Variants in SUGCT observed in about 807,000 individuals in gnomAD.
SUGCT encodes succinyl-CoA:glutarate CoA-transferase.
A neutral mutation model predicts 55.0 loss-of-function variants in SUGCT; 41 were observed. The observed-to-expected ratio is 0.74, with a 90% confidence interval of 0.58 to 0.97. The LOEUF is 0.97. SUGCT is among the 50% of genes least tolerant of loss of function. The pLI, the probability that SUGCT is intolerant of heterozygous loss-of-function variation, is 0.00. For synonymous variants in SUGCT, 187 were observed against 200.4 expected (o/e 0.93, Z 0.56); for missense variants, 568 against 547.8 (o/e 1.04, Z -0.37).
At chr7:40,717,163 T>C (rs1024512922) in intron 12 of SUGCT, among the ~76,000 whole-genome samples, 2 of 152,198 alleles carry the variant, frequency 1.3e-5, no homozygotes, top group Non-Finnish European at 2.9e-5. Flanking sequence ...CATAGAAAGA[T>C]TAAGCTACAT....
rs1199451984 is a variant in SUGCT, at chr7:40,519,608, C to T, written c.1089+23222C>T. Among the ~76,000 whole-genome samples the T allele has an allele frequency of 5.3e-5, 8 of 151,972 alleles. No homozygotes were observed. In the East Asian group the frequency reaches 1.5e-3, roughly 29 times the overall value. On this transcript the variant is annotated intron_variant, in intron 12 of 13. Coordinates refer to ENST00000335693, the MANE Select transcript of SUGCT (RefSeq NM_001193313.2). ...AGAGAAAGGATTGAGAAAATTTTGA[C>T]ATTATATGTCTGAATTAAATCTCTG... is the stretch of plus-strand genomic sequence containing the variant.
chr7:40,262,379 G>A (rs535178854), intron 7 of SUGCT, among the ~76,000 whole-genome samples: 3 of 151,750 alleles, frequency 2.0e-5, no homozygotes, highest in Admixed American at 6.6e-5. Context: ...GGCTGGGCGC[G>A]GTGGCTCATG....
At chr7:40,354,661 C>G (rs1797803844) in intron 9 of SUGCT, among the ~76,000 whole-genome samples, 2 of 152,102 alleles carry the variant, frequency 1.3e-5, no homozygotes, top group African/African-American at 4.8e-5. Context: ...AATAAAATAA[C>G]CAGGAGATCA....
chr7:40,224,601 T>G (rs1249534802), intron 6 of SUGCT, among the ~76,000 whole-genome samples: 1 of 152,216 alleles, frequency 6.6e-6, no homozygotes, highest in Non-Finnish European at 1.5e-5. Context: ...CAAGATAGTA[T>G]CTTGATTCCT....
chr7:40,701,365 G>C (rs1288700496), intron 12 of SUGCT, among the ~76,000 whole-genome samples: 1 of 152,224 alleles, frequency 6.6e-6, no homozygotes, highest in Non-Finnish European at 1.5e-5. Context: ...CGCCATTCCA[G>C]TGTTCAGAGG....
At chr7:40,365,934 A>G (rs571966036) in intron 9 of SUGCT, among the ~76,000 whole-genome samples, 27 of 152,348 alleles carry the variant, frequency 1.8e-4, no homozygotes, top group African/African-American at 6.3e-4. Flanking sequence ...ATATGGAACC[A>G]AAAAAGAGCT....
chr7:40,879,400 GTCA>G, the SUGCT span, among the ~76,000 whole-genome samples: 1 of 152,150 alleles, frequency 6.6e-6, no homozygotes, highest in South Asian at 2.1e-4. Context: ...CAGGCATCAT[GTCA>G]TGTGTGTCAT....
At chr7:40,949,038 C>A in the SUGCT span, among the ~76,000 whole-genome samples, 2 of 152,206 alleles carry the variant, frequency 1.3e-5, no homozygotes, top group Admixed American at 1.3e-4. Context: ...ACACTGTCTT[C>A]CACTATGGTT....
At position 40,188,533 on chromosome 7, in the gene SUGCT, G is replaced by T. The variant is rs913673123; in HGVS notation, c.265G>T (p.Val89Phe). ...DDTRTWGPPF[V>F]GTESTYYLSV... ...TACACGAACTTGGGGGCCACCTTTT[G>T]TTGGGACAGAAAGTACATATTATCT... The change falls in exon 4 of 14, where the codon GTT becomes TTT. Residue 89 changes from valine to phenylalanine, a missense_variant. Physicochemically the swap from Val to Phe is conservative, Grantham distance 50. Transcript: ENST00000335693. 6 of 1,600,438 alleles carry T rather than the reference G, an allele frequency of 3.7e-6. No homozygotes were observed. Among genetic ancestry groups the T allele is most frequent in the African/African-American group, 2.7e-5 (2 of 73,456 alleles).
the SUGCT span, among the ~76,000 whole-genome samples, chr7:40,984,022 G>C: frequency 3.9e-5 from 6 of 152,110 alleles, no homozygotes; most frequent in African/African-American, 1.4e-4. Context: ...GCAGGTAGGC[G>C]AGGGGTAGGG....
At chr7:40,880,694 A>G in the SUGCT span, among the ~76,000 whole-genome samples, 1 of 152,342 alleles carries the variant, frequency 6.6e-6, no homozygotes, top group Non-Finnish European at 1.5e-5. Flanking sequence ...TTAAAAAATC[A>G]CTGGGCCAGA....
the SUGCT span, among the ~76,000 whole-genome samples, chr7:40,980,881 A>G: frequency 6.6e-6 from 1 of 152,242 alleles, no homozygotes; most frequent in Admixed American, 6.5e-5. Flanking sequence ...TATCTTTGGT[A>G]GAGACAGAAT....
At chr7:40,270,118 G>A (rs1377832396) in intron 7 of SUGCT, among the ~76,000 whole-genome samples, 2 of 148,396 alleles carry the variant, frequency 1.3e-5, no homozygotes, top group Non-Finnish European at 3.0e-5. Context: ...CCTGGGTGAT[G>A]GAGCAAGACC....
At chr7:40,697,765 A>C (rs910738758) in intron 12 of SUGCT, among the ~76,000 whole-genome samples, 4 of 152,194 alleles carry the variant, frequency 2.6e-5, no homozygotes, top group African/African-American at 9.6e-5. Flanking sequence ...GGGACATCTC[A>C]AAGATTTGTG....
chr7:41,007,191 T>C, the SUGCT span, among the ~76,000 whole-genome samples: 48 of 152,208 alleles, frequency 3.2e-4, no homozygotes, highest in African/African-American at 1.0e-3. Context: ...AAAACACAGA[T>C]TTTGATAGAA....
chr7:40,249,327 A>ATCTATATATATATATC (rs1562612076), intron 7 of SUGCT, among the ~76,000 whole-genome samples: 53 of 117,668 alleles, frequency 4.5e-4, no homozygotes, highest in Non-Finnish European at 7.5e-4. Context: ...ATATATATAT[A>ATCTATATATATATATC]TATATATATA....
intron 8 of SUGCT, among the ~76,000 whole-genome samples, chr7:40,282,852 C>G (rs959800875): frequency 6.6e-6 from 1 of 151,964 alleles, no homozygotes; most frequent in Non-Finnish European, 1.5e-5. Flanking sequence ...GGTGACAGAG[C>G]GAGACCCTAT....
chr7:40,589,452 G>T (rs182054727), intron 12 of SUGCT, among the ~76,000 whole-genome samples: 106 of 152,224 alleles, frequency 7.0e-4, no homozygotes, highest in African/African-American at 2.4e-3. Context: ...TAGAGGGTAG[G>T]AATGCCAAGT....
chr7:40,537,271 G>A (rs1794415050), intron 12 of SUGCT, among the ~76,000 whole-genome samples: 1 of 152,116 alleles, frequency 6.6e-6, no homozygotes, highest in African/African-American at 2.4e-5. Flanking sequence ...GTGAGTTCCA[G>A]GTTCAGGAAA....
Sources: allele counts gnomAD v4.1 joint callset (sites outside exome capture counted in the v4.1 genomes callset), GRCh38; gene constraint gnomAD v4.1.1; transcripts MANE v1.5; gene names NCBI Gene and HGNC (gene_info 2026-07-23, HGNC 2026-07-21).